The following ALK variants were observed in gnomAD, a reference collection of about 807,000 sequenced individuals.
The protein encoded by ALK is ALK tyrosine kinase receptor.
Under a neutral mutation model 163.1 loss-of-function variants are expected in ALK, and 74 were observed. The observed-to-expected ratio is 0.45, with a 90% CI of 0.38 to 0.55. The LOEUF is 0.55. ALK is among the 20% of genes least tolerant of loss of function. The pLI is 0.00. For synonymous variants in ALK, 960 were observed against 843.2 expected (o/e 1.14, Z -2.40); for missense variants, 2,063 against 2,105.3 (o/e 0.98, Z 0.39).
At chr2:29,437,154 C>T (rs1670421716) in intron 4 of ALK, among the ~76,000 whole-genome samples, 1 of 152,148 alleles carries the variant, frequency 6.6e-6, no homozygotes, top group Admixed American at 6.5e-5. Context: ...TCTTGGAGGA[C>T]ATGTGAACAC....
intron 1 of ALK, among the ~76,000 whole-genome samples, chr2:29,820,535 T>C (rs1316697919): frequency 1.3e-5 from 2 of 152,258 alleles, no homozygotes; most frequent in Non-Finnish European, 2.9e-5. Flanking sequence ...ACATTGGTCT[T>C]GAAAACATCA....
intron 1 of ALK, among the ~76,000 whole-genome samples, chr2:29,910,152 CAT>C (rs1667664762): frequency 6.6e-6 from 1 of 151,956 alleles, no homozygotes; most frequent in Non-Finnish European, 1.5e-5. Context: ...TAGAGAAAGA[CAT>C]AAACATAATG....
intron 3 of ALK, among the ~76,000 whole-genome samples, chr2:29,646,744 A>G (rs1007446929): frequency 6.6e-6 from 1 of 152,118 alleles, no homozygotes; most frequent in Non-Finnish European, 1.5e-5. Flanking sequence ...ACCTCCTTCA[A>G]TTCTTTGTTC....
chr2:29,324,831 C>T (rs548505868), intron 6 of ALK, among the ~76,000 whole-genome samples: 4 of 152,002 alleles, frequency 2.6e-5, no homozygotes, highest in Admixed American at 6.6e-5. Flanking sequence ...GAGAGGGGAC[C>T]GAGAGTACTG....
At chr2:29,890,456 G>C (rs936756460) in intron 1 of ALK, 11 of 152,288 alleles carry the variant, frequency 7.2e-5, no homozygotes, top group African/African-American at 2.4e-4. Context: ...TCTTTGCCGT[G>C]TCCTAGAACC....
intron 2 of ALK, among the ~76,000 whole-genome samples, chr2:29,713,729 T>A (rs1679170804): frequency 6.6e-6 from 1 of 152,172 alleles, no homozygotes; most frequent in Non-Finnish European, 1.5e-5. Context: ...CCTTTGACCC[T>A]CGATTTGTAT....
intron 1 of ALK, among the ~76,000 whole-genome samples, chr2:29,894,473 C>T (rs1383096811): frequency 3.9e-5 from 6 of 152,018 alleles, no homozygotes; most frequent in Non-Finnish European, 2.9e-5. Flanking sequence ...TTAAGCCTGA[C>T]TTTTGCAGGG....
chr2:29,569,470 C>A (rs192835139), intron 3 of ALK, among the ~76,000 whole-genome samples: 8 of 152,116 alleles, frequency 5.3e-5, no homozygotes, highest in African/African-American at 1.9e-4. Flanking sequence ...TTACATGTAC[C>A]TTGTAGGTGG....
intron 4 of ALK, among the ~76,000 whole-genome samples, chr2:29,517,239 G>A (rs1040604330): frequency 5.9e-5 from 9 of 152,172 alleles, no homozygotes; most frequent in Admixed American, 5.9e-4. Flanking sequence ...TCAGGAACGG[G>A]GAGTCCAGGT....
intron 28 of ALK, among the ~76,000 whole-genome samples, chr2:29,196,111 G>A (rs1336052098): frequency 6.6e-6 from 1 of 152,162 alleles, no homozygotes; most frequent in African/African-American, 2.4e-5. Flanking sequence ...GAATGGGAGA[G>A]GGATCTGTAG....
At chr2:29,912,325 G>T (rs1468244227) in intron 1 of ALK, among the ~76,000 whole-genome samples, 2 of 151,860 alleles carry the variant, frequency 1.3e-5, no homozygotes, top group Non-Finnish European at 2.9e-5. Flanking sequence ...AAAACCAAAA[G>T]CCAAGAAAAA....
chr2:29,333,395 C>T (rs1026003889), intron 5 of ALK, among the ~76,000 whole-genome samples: 14 of 152,142 alleles, frequency 9.2e-5, no homozygotes, highest in African/African-American at 2.9e-4. Context: ...CATAAGCTAT[C>T]GTGCCCAGCC....
intron 5 of ALK, among the ~76,000 whole-genome samples, chr2:29,379,588 T>C (rs1280836255): frequency 1.3e-5 from 2 of 152,296 alleles, no homozygotes; most frequent in East Asian, 3.9e-4. Flanking sequence ...TGGCTGCAAA[T>C]GACATTTCCT....
Position 29,532,012 on chromosome 2 carries a change from T to C in ALK, c.1057A>G (p.Arg353Gly). 2.5e-6 allele frequency: 4 copies of C among 1,614,142 alleles called. No homozygotes were observed. Among genetic ancestry groups the C allele is most frequent in the Non-Finnish European group, 3.4e-6 (4 of 1,180,008 alleles). Residue 353 changes from arginine (R) to glycine (G), a missense_variant, in exon 4 of 29, where the codon AGG becomes GGG. Physicochemically the swap from Arg to Gly is moderately radical, Grantham distance 125. Transcript: ENST00000389048. ...TACCTTCCAGAGGGCTGCAGGTGCC[T>C]GTGCACCGAGACGGCCAGTGTGCAG... ...EHCTLAVSVH[R>G]HLQPSGRYIA...
At chr2:29,541,060 T>C (rs917693465) in intron 3 of ALK, among the ~76,000 whole-genome samples, 6 of 152,210 alleles carry the variant, frequency 3.9e-5, no homozygotes, top group Non-Finnish European at 8.8e-5. Flanking sequence ...CTTTTATTTA[T>C]GATCTGTTTG....
At chr2:29,875,160 A>G (rs1024404451) in intron 1 of ALK, among the ~76,000 whole-genome samples, 4 of 152,234 alleles carry the variant, frequency 2.6e-5, no homozygotes, top group Non-Finnish European at 5.9e-5. Flanking sequence ...TGGTATATTT[A>G]TACAATGGAA....
intron 4 of ALK, among the ~76,000 whole-genome samples, chr2:29,447,143 G>A (rs1670704972): frequency 6.6e-6 from 1 of 152,132 alleles, no homozygotes; most frequent in Non-Finnish European, 1.5e-5. Context: ...GGTGGAGGTG[G>A]ATGCCATTTT....
chr2:29,623,050 C>G (rs1676080107), intron 3 of ALK, among the ~76,000 whole-genome samples: 1 of 152,164 alleles, frequency 6.6e-6, no homozygotes, highest in East Asian at 1.9e-4. Flanking sequence ...AATTTTTTAA[C>G]CATTAAATTT....
chr2:29,263,042 T>C (rs1164652395), intron 11 of ALK, among the ~76,000 whole-genome samples: 1 of 152,228 alleles, frequency 6.6e-6, no homozygotes, highest in Non-Finnish European at 1.5e-5. Context: ...AATAAAGTGT[T>C]TGATATCACA....
Sources: allele counts gnomAD v4.1 joint callset (sites outside exome capture counted in the v4.1 genomes callset), GRCh38; gene constraint gnomAD v4.1.1; transcripts MANE v1.5; gene names NCBI Gene and HGNC (gene_info 2026-07-23, HGNC 2026-07-21).